The following OPCML variants were observed in gnomAD, a reference collection of about 807,000 sequenced individuals.
The protein encoded by OPCML is opioid binding protein/cell adhesion molecule like, also known as opioid-binding protein/cell adhesion molecule.
A neutral mutation model predicts 37.8 loss-of-function variants in OPCML; 13 were observed. That is an observed-to-expected ratio of 0.34 (90% CI 0.22 to 0.55). The LOEUF (loss-of-function observed/expected upper bound fraction) is 0.55, where lower values mean the gene tolerates loss of function less well. Among genes scored for constraint, OPCML ranks in the 20% least tolerant of loss-of-function variants. The pLI is 0.91. For synonymous variants in OPCML, 176 were observed against 168.8 expected, an observed-to-expected ratio of 1.04 and a Z score of -0.33; for missense variants, 341 against 435.6, an observed-to-expected ratio of 0.78 and a Z score of 1.93.
rs1295449855 is a variant in OPCML at position 132,748,211 on chromosome 11, G to A, written c.147-90892C>T. ...GGGATTTGTTAAGACACTAAAACAC[G>A]AACTAGCACAAGTTTTGGAAGCCAG... is the stretch of plus-strand genomic sequence containing the variant. On this transcript the variant is annotated intron_variant, in intron 2 of 7. Transcript: ENST00000524381. Among the ~76,000 whole-genome samples the A allele has an allele frequency of 3.3e-5, 5 of 152,168 alleles. 1 individual carries two copies. In the South Asian group the frequency reaches 8.3e-4, roughly 25 times the overall value.
chr11:132,439,077 C>T (rs1017941513), intron 4 of OPCML, among the ~76,000 whole-genome samples: 1 of 152,108 alleles, frequency 6.6e-6, no homozygotes, highest in Non-Finnish European at 1.5e-5. Flanking sequence ...AATGCATTGG[C>T]TAGTGGGAGC....
At chr11:132,820,526 A>G (rs1037531653) in intron 2 of OPCML, among the ~76,000 whole-genome samples, 2 of 149,642 alleles carry the variant, frequency 1.3e-5, no homozygotes, top group South Asian at 2.1e-4. Flanking sequence ...GTGTGTGTGT[A>G]TTCTGTTTTT....
At chr11:132,518,729 G>T (rs2096285657) in intron 4 of OPCML, among the ~76,000 whole-genome samples, 1 of 152,162 alleles carries the variant, frequency 6.6e-6, no homozygotes, top group Non-Finnish European at 1.5e-5. Flanking sequence ...ACTGTGAGAT[G>T]CCATGGCCTT....
At chr11:133,195,622 T>A (rs1227044907) in intron 1 of OPCML, among the ~76,000 whole-genome samples, 1 of 152,228 alleles carries the variant, frequency 6.6e-6, no homozygotes, top group East Asian at 1.9e-4. Flanking sequence ...TCAATTAGCA[T>A]GGGAAGAAGT....
chr11:132,892,984 T>A (rs1184595227), intron 2 of OPCML, among the ~76,000 whole-genome samples: 1 of 152,174 alleles, frequency 6.6e-6, no homozygotes, highest in Non-Finnish European at 1.5e-5. Context: ...ACTTCTATTA[T>A]ACAAAGGTTG....
intron 1 of OPCML, among the ~76,000 whole-genome samples, chr11:133,339,168 T>C (rs1325389782): frequency 6.6e-6 from 1 of 152,262 alleles, no homozygotes; most frequent in Non-Finnish European, 1.5e-5. Flanking sequence ...CAGCAAAATA[T>C]GATTTTATTA....
At chr11:132,437,635 A>T (rs1482034491) in intron 4 of OPCML, among the ~76,000 whole-genome samples, 1 of 152,196 alleles carries the variant, frequency 6.6e-6, no homozygotes, top group East Asian at 1.9e-4. Flanking sequence ...TTCTTATATG[A>T]TTATTGTGAT....
intron 1 of OPCML, among the ~76,000 whole-genome samples, chr11:133,385,060 G>A (rs1490772098): frequency 6.6e-6 from 1 of 152,172 alleles, no homozygotes; most frequent in Non-Finnish European, 1.5e-5. Flanking sequence ...GACCTGTAAT[G>A]GATAGAATAA....
chr11:132,436,977 T>C (rs2096015340), intron 5 of OPCML, 198 bp from the exon 6 acceptor site: 1 of 936,624 alleles, frequency 1.1e-6, no homozygotes, highest in Non-Finnish European at 1.3e-6. Flanking sequence ...CCCCAACCTC[T>C]TTTTCAGGCC....
intron 2 of OPCML, among the ~76,000 whole-genome samples, chr11:132,857,841 T>C (rs1272958041): frequency 2.0e-5 from 3 of 152,188 alleles, no homozygotes; most frequent in Non-Finnish European, 2.9e-5. Flanking sequence ...ATATCCCTCA[T>C]GAACAAAAGC....
intron 1 of OPCML, among the ~76,000 whole-genome samples, chr11:133,382,751 C>T (rs960093643): frequency 6.6e-6 from 1 of 152,172 alleles, no homozygotes; most frequent in Non-Finnish European, 1.5e-5. Flanking sequence ...CTATCTCCCA[C>T]CGATCGATGT....
intron 2 of OPCML, among the ~76,000 whole-genome samples, chr11:132,777,904 TTTC>T (rs1184630861): frequency 6.6e-6 from 1 of 152,206 alleles, no homozygotes; most frequent in African/African-American, 2.4e-5. Flanking sequence ...TCTCTCTCTT[TTTC>T]TTTTTACTCA....
At chr11:132,807,171 T>G (rs1939066154) in intron 2 of OPCML, among the ~76,000 whole-genome samples, 1 of 151,872 alleles carries the variant, frequency 6.6e-6, no homozygotes, top group African/African-American at 2.4e-5. Flanking sequence ...ACAACAAACA[T>G]AAGAGCAAAA....
intron 1 of OPCML, chr11:133,420,278 T>G: frequency 1.0e-6 from 1 of 985,458 alleles, no homozygotes; most frequent in South Asian, 4.7e-5. Flanking sequence ...AAGATACTCC[T>G]GAACGTCTTT....
intron 2 of OPCML, among the ~76,000 whole-genome samples, chr11:132,918,690 A>G (rs905795498): frequency 4.6e-5 from 7 of 152,280 alleles, no homozygotes; most frequent in African/African-American, 1.7e-4. Context: ...TGATTCCCCA[A>G]TCACCACCAA....
intron 1 of OPCML, among the ~76,000 whole-genome samples, chr11:133,079,660 C>T (rs1327248720): frequency 1.3e-5 from 2 of 152,008 alleles, no homozygotes; most frequent in East Asian, 1.9e-4. Flanking sequence ...TCATCTCTTG[C>T]ACCAGCTCAC....
chr11:133,340,208 T>C (rs1943833546), intron 1 of OPCML, among the ~76,000 whole-genome samples: 1 of 152,116 alleles, frequency 6.6e-6, no homozygotes. Context: ...GGTCTCTGAG[T>C]GTACAAGAAA....
intron 2 of OPCML, among the ~76,000 whole-genome samples, chr11:132,693,210 C>T (rs1037134676): frequency 3.3e-5 from 5 of 152,106 alleles, no homozygotes; most frequent in South Asian, 2.1e-4. Flanking sequence ...TGATTTCAGA[C>T]GAGACTGACA....
intron 3 of OPCML, among the ~76,000 whole-genome samples, chr11:132,534,048 C>G (rs2096333575): frequency 6.6e-6 from 1 of 152,152 alleles, no homozygotes; most frequent in Non-Finnish European, 1.5e-5. Flanking sequence ...AATTCAGCAT[C>G]TTTTAATGTG....
Sources: gnomAD v4.1 joint callset for allele counts (sites outside exome capture counted in the v4.1 genomes callset) on GRCh38, gnomAD v4.1.1 for gene constraint, MANE v1.5 for transcripts, NCBI Gene and HGNC (gene_info 2026-07-23, HGNC 2026-07-21) for gene names.